Variants in EFHB observed in about 807,000 individuals in gnomAD.
EFHB encodes the protein EF-hand domain-containing family member B.
EFHB carries 91 observed loss-of-function variants against 87.2 expected under a neutral mutation model. The ratio of observed to expected loss-of-function variants is 1.04; its 90% CI spans 0.88 to 1.24. EFHB has a LOEUF of 1.24. EFHB is among the 50% of genes most tolerant of loss of function. The pLI is 0.00. For missense variants in EFHB, 1,084 were observed against 998.8 expected (o/e 1.09, Z -1.15); for synonymous variants, 325 against 333.6 (o/e 0.97, Z 0.28).
rs779148186 is a variant in EFHB at position 19,933,401 on chromosome 3, C to T, written c.618G>A (p.Lys206=). Residue 206 remains lysine (K), a synonymous_variant, in exon 1 of 13, where the codon AAG becomes AAA. Coordinates refer to ENST00000295824, the MANE Select transcript of EFHB (RefSeq NM_144715.4). ...CCAAGCCCATTTGGGGCTCTGTATTCTTAGTCTCATCTGGCCCCTCGGCTT... is the reference window on the plus strand; with the variant it reads ...CCAAGCCCATTTGGGGCTCTGTATTTTTAGTCTCATCTGGCCCCTCGGCTT... ...LTQAEGPDET[K]NTEPQMGLVI... 1.9e-6 allele frequency: 3 copies of T among 1,614,000 alleles called. No individual in the cohort carries two copies. Among genetic ancestry groups the T allele is most frequent in the Non-Finnish European group, 2.5e-6 (3 of 1,179,892 alleles).
chr3:19,892,802 C>T (rs1400665458), intron 9 of EFHB, among the ~76,000 whole-genome samples: 1 of 151,608 alleles, frequency 6.6e-6, no homozygotes, highest in Non-Finnish European at 1.5e-5. Flanking sequence ...CTGCAGTGAG[C>T]TATGATGGTG....
chr3:19,919,334 T>TTACA (rs1695354078), intron 3 of EFHB, among the ~76,000 whole-genome samples: 1 of 151,758 alleles, frequency 6.6e-6, no homozygotes, highest in African/African-American at 2.4e-5. Context: ...GTAGCTGGGA[T>TTACA]TACAGGCGCC....
At chr3:19,880,353 G>A (rs1211070947) in intron 12 of EFHB, among the ~76,000 whole-genome samples, 7 of 151,892 alleles carry the variant, frequency 4.6e-5, no homozygotes, top group African/African-American at 4.8e-5. Context: ...GGGTACAAGC[G>A]ATTCTTCTGC....
chr3:19,888,926 T>A (rs922011480), intron 9 of EFHB, among the ~76,000 whole-genome samples: 1 of 152,250 alleles, frequency 6.6e-6, no homozygotes, highest in Non-Finnish European at 1.5e-5. Context: ...CTTCTGTGTT[T>A]TAACCTGGCA....
chr3:19,911,969 T>A lies in EFHB; in HGVS notation c.1288+3334A>T, dbSNP rs530544406. ...ATTATTATTTTTTATTTTTTAATTT[T>A]ATTTTATTTTTAAAGTTATTGCCCT... On this transcript the variant is annotated intron_variant, in intron 5 of 12. Coordinates refer to ENST00000295824, the MANE Select transcript of EFHB (RefSeq NM_144715.4). 8.9e-4 allele frequency among the ~76,000 whole-genome samples: 135 copies of A among 152,064 alleles called. 1 individual carries two copies. Among genetic ancestry groups the A allele is most frequent in the Non-Finnish European group, 1.1e-3 (76 of 67,960 alleles).
At position 19,905,755 on chromosome 3, in the gene EFHB, GA is replaced by G. The variant is rs746506274; in HGVS notation, c.1289-7del. ...CTTTCGGTTCTTTGCCTCTCCTGTG[GA>G]AAAAGAAAGGAAGACTTATGACTTA... On this transcript the variant is annotated splice_region_variant and splice_polypyrimidine_tract_variant and intron_variant, in intron 5 of 12. Coordinates refer to ENST00000295824, the MANE Select transcript of EFHB (RefSeq NM_144715.4). 71 of 1,599,630 alleles carry G rather than the reference GA, an allele frequency of 4.4e-5. No individual in the cohort carries two copies. The African/African-American group carries it at 7.4e-4, about 17-fold the overall frequency.
At chr3:19,911,944 A>G (rs1370179055) in intron 5 of EFHB, among the ~76,000 whole-genome samples, 1 of 151,972 alleles carries the variant, frequency 6.6e-6, no homozygotes, top group Non-Finnish European at 1.5e-5. Flanking sequence ...GACTAAATTT[A>G]TTATTATTTT....
rs1694495654 is a variant in EFHB, at chr3:19,896,681, A to C, written c.1725+6T>G. 17 of 1,613,966 alleles carry C rather than the reference A, an allele frequency of 1.1e-5. No homozygotes were observed. The highest frequency in any genetic ancestry group is 1.4e-5 in the Non-Finnish European group (17 of 1,179,870). On this transcript the variant is annotated splice_donor_region_variant and intron_variant, in intron 9 of 12. Transcript: ENST00000295824. ...CATTACCAAAAAGCTCTCCCCCATT[A>C]CTGGCCTTGTCATAGTGCCTGAAGG...
chr3:19,901,777 C>G (rs1459810711), intron 6 of EFHB, among the ~76,000 whole-genome samples: 4 of 152,026 alleles, frequency 2.6e-5, no homozygotes, highest in Non-Finnish European at 5.9e-5. Flanking sequence ...TGGCAAAACC[C>G]CATCTCTACT....
At chr3:19,884,267 TG>T in intron 11 of EFHB, 135 bp downstream of exon 11, 2 of 771,454 alleles carry the variant, frequency 2.6e-6, no homozygotes, top group Non-Finnish European at 4.1e-6. Flanking sequence ...CCTCCCCAGG[TG>T]GTTAGAATAT....
chr3:19,905,577 AATGTCTAACACTTGTTCCTGG>A (rs757957447), intron 6 of EFHB, 22 bp downstream of exon 6: 8 of 1,569,676 alleles, frequency 5.1e-6, no homozygotes. Flanking sequence ...TTTAAGTCCA[AATGTCTAACACTTGTTCCTGG>A]GCACAGTATA....
intron 1 of EFHB, among the ~76,000 whole-genome samples, chr3:19,944,521 G>T (rs1221845696): frequency 6.6e-6 from 1 of 152,152 alleles, no homozygotes; most frequent in Admixed American, 6.5e-5. Context: ...ATTGCAAGTG[G>T]CAATAAAACA....
chr3:19,943,248 A>T (rs1338025629), intron 1 of EFHB: 1 of 265,150 alleles, frequency 3.8e-6, no homozygotes, highest in Non-Finnish European at 7.8e-6. Context: ...CTATTTTTAC[A>T]TGCTGGAAAA....
At chr3:19,906,061 C>G (rs1208975878) in intron 5 of EFHB, among the ~76,000 whole-genome samples, 1 of 152,202 alleles carries the variant, frequency 6.6e-6, no homozygotes, top group Non-Finnish European at 1.5e-5. Flanking sequence ...TAGCTCATGC[C>G]TGTAATCCCA....
intron 1 of EFHB, among the ~76,000 whole-genome samples, chr3:19,943,572 CA>C (rs1218415411): frequency 2.0e-5 from 3 of 151,844 alleles, no homozygotes; most frequent in Admixed American, 6.6e-5. Flanking sequence ...GAAAAAAACA[CA>C]AAATAATACA....
chr3:19,936,367 A>C (rs1696022065), upstream of EFHB: 2 of 533,008 alleles, frequency 3.8e-6, no homozygotes, highest in East Asian at 6.1e-5. Context: ...AGTTCAAGAC[A>C]TGCATGGGTA....
chr3:19,934,571 A>G (rs1022605444), upstream of EFHB, among the ~76,000 whole-genome samples: 10 of 151,106 alleles, frequency 6.6e-5, no homozygotes, highest in Admixed American at 1.3e-4. Context: ...TTGGAGGGCG[A>G]GAAAATTTGA....
intron 8 of EFHB, among the ~76,000 whole-genome samples, chr3:19,897,528 T>C (rs891276158): frequency 2.0e-5 from 3 of 152,142 alleles, no homozygotes; most frequent in African/African-American, 2.4e-5. Context: ...ACATCTCCCA[T>C]CTTTCTGCCA....
intron 2 of EFHB, 134 bp downstream of exon 2, chr3:19,920,371 C>T: frequency 2.7e-6 from 2 of 750,110 alleles, no homozygotes; most frequent in South Asian, 3.8e-5. Context: ...TAGAAGGCCT[C>T]AAAATACAGC....
Sources: allele counts gnomAD v4.1 joint callset (sites outside exome capture counted in the v4.1 genomes callset), GRCh38; gene constraint gnomAD v4.1.1; transcripts MANE v1.5; gene names NCBI Gene and HGNC (gene_info 2026-07-23, HGNC 2026-07-21).